FSHR: variants seen among roughly 807,000 people sequenced by gnomAD.
FSHR encodes follicle-stimulating hormone receptor.
In FSHR, 46 loss-of-function variants were observed where a neutral mutation model predicts 52.1. That is an observed-to-expected ratio of 0.88 (90% CI 0.70 to 1.13). The LOEUF is 1.13. Among genes scored for constraint, FSHR ranks in the 50% most tolerant of loss-of-function variants. The pLI is 0.00. For synonymous variants in FSHR, 399 were observed against 309.6 expected (o/e 1.29, Z -3.03); for missense variants, 964 against 834.6 (o/e 1.16, Z -1.91).
intron 2 of FSHR, among the ~76,000 whole-genome samples, chr2:49,061,430 C>T (rs1669283777): frequency 6.6e-6 from 1 of 150,852 alleles, no homozygotes. Flanking sequence ...ATAAAGGAAA[C>T]TATGGGTCAA....
chr2:49,038,175 G>T (rs1359746989), intron 2 of FSHR, among the ~76,000 whole-genome samples: 1 of 152,126 alleles, frequency 6.6e-6, no homozygotes, highest in Non-Finnish European at 1.5e-5. Context: ...AATAACTGAA[G>T]AGAGTTTACC....
chr2:48,968,180 G>A (rs1289386612), intron 9 of FSHR, among the ~76,000 whole-genome samples: 1 of 152,174 alleles, frequency 6.6e-6, no homozygotes, highest in Non-Finnish European at 1.5e-5. Flanking sequence ...AAAGTAATGA[G>A]ATGTCTTAAT....
At chr2:49,036,144 A>G (rs746364515) in intron 2 of FSHR, among the ~76,000 whole-genome samples, 2 of 152,232 alleles carry the variant, frequency 1.3e-5, no homozygotes, top group East Asian at 3.8e-4. Context: ...GACATTAATC[A>G]ACATCTGTAG....
chr2:49,037,082 T>G (rs1287384269), intron 2 of FSHR, among the ~76,000 whole-genome samples: 1 of 152,176 alleles, frequency 6.6e-6, no homozygotes, highest in African/African-American at 2.4e-5. Context: ...ATGAACTACT[T>G]GCATAAAGCC....
chr2:49,128,454 G>C (rs1255036217), intron 1 of FSHR, among the ~76,000 whole-genome samples: 1 of 151,704 alleles, frequency 6.6e-6, no homozygotes, highest in African/African-American at 2.4e-5. Flanking sequence ...AGACAAAAGA[G>C]TAACAGGAAC....
In FSHR at chr2:48,982,892, A is replaced by G. The variant is rs763131996; in HGVS notation, c.668+20T>C. ...ACACAAACTGAGCTCTTACACACAG[A>G]AATGGGGAAAGCTACTCACAGAATG... On this transcript the variant is annotated intron_variant, in intron 8 of 9. Transcript: ENST00000406846. 12 of 1,601,420 alleles carry G rather than the reference A, an allele frequency of 7.5e-6. No individual in the cohort carries two copies. In the Middle Eastern group the frequency reaches 6.6e-4, roughly 88 times the overall value.
At chr2:49,069,917 G>A (rs1572703734) in intron 1 of FSHR, among the ~76,000 whole-genome samples, 1 of 152,110 alleles carries the variant, frequency 6.6e-6, no homozygotes, top group Admixed American at 6.6e-5. Context: ...TATTGCTTTA[G>A]CCTTCTGTTA....
In FSHR at chr2:49,077,072, C is replaced by A. The variant is rs541135408; in HGVS notation, c.153-8782G>T. Among the ~76,000 whole-genome samples, 3 of 152,292 alleles carry A rather than the reference C, an allele frequency of 2.0e-5. No individual in the cohort carries two copies. In the East Asian group the frequency reaches 5.8e-4, roughly 29 times the overall value. On this transcript the variant is annotated intron_variant, in intron 1 of 9. Coordinates refer to ENST00000406846, the MANE Select transcript of FSHR (RefSeq NM_000145.4). ...GCCGTCTTCTCACAGCTCCACTGGG[C>A]AGTGCTCCAGTAAGGACTCTGTGTC...
At chr2:49,038,472 A>C (rs1255385652) in intron 2 of FSHR, among the ~76,000 whole-genome samples, 4 of 151,578 alleles carry the variant, frequency 2.6e-5, no homozygotes, top group Non-Finnish European at 4.4e-5. Flanking sequence ...AAACAAAAAA[A>C]TAATTAGCCG....
chr2:49,126,234 C>T (rs1341170071), intron 1 of FSHR, among the ~76,000 whole-genome samples: 3 of 151,988 alleles, frequency 2.0e-5, no homozygotes, highest in Non-Finnish European at 4.4e-5. Flanking sequence ...GTGAGGGTCC[C>T]ATGTCTGTCA....
At chr2:49,106,933 A>G (rs1416673352) in intron 1 of FSHR, among the ~76,000 whole-genome samples, 1 of 152,172 alleles carries the variant, frequency 6.6e-6, no homozygotes, top group Non-Finnish European at 1.5e-5. Context: ...AATGAGCCAT[A>G]CCTTTATTAT....
intron 1 of FSHR, among the ~76,000 whole-genome samples, chr2:49,084,550 C>G (rs1670302734): frequency 6.6e-6 from 1 of 152,090 alleles, no homozygotes; most frequent in Non-Finnish European, 1.5e-5. Context: ...ATTAATGAAT[C>G]CAGGAGCTGG....
At chr2:48,987,186 A>G in intron 6 of FSHR, among the ~76,000 whole-genome samples, 1 of 151,542 alleles carries the variant, frequency 6.6e-6, no homozygotes, top group Non-Finnish European at 1.5e-5. Flanking sequence ...TTGTATTATT[A>G]TTTTTATTTA....
At chr2:49,053,419 C>T (rs937775388) in intron 2 of FSHR, among the ~76,000 whole-genome samples, 2 of 152,082 alleles carry the variant, frequency 1.3e-5, no homozygotes, top group African/African-American at 4.8e-5. Flanking sequence ...ACATTGTCAC[C>T]TACTCCCCCC....
chr2:49,122,804 T>C (rs1317322477), intron 1 of FSHR, among the ~76,000 whole-genome samples: 1 of 152,170 alleles, frequency 6.6e-6, no homozygotes, highest in Non-Finnish European at 1.5e-5. Flanking sequence ...ACACCCAGGA[T>C]CTTGGGTTCC....
At chr2:49,018,482 C>G (rs1313554367) in intron 3 of FSHR, among the ~76,000 whole-genome samples, 1 of 152,208 alleles carries the variant, frequency 6.6e-6, no homozygotes, top group Non-Finnish European at 1.5e-5. Context: ...GTCAGTGCTA[C>G]ATGGAGGTGA....
intron 8 of FSHR, among the ~76,000 whole-genome samples, chr2:48,971,325 C>G (rs1443564862): frequency 6.6e-6 from 1 of 152,186 alleles, no homozygotes; most frequent in Non-Finnish European, 1.5e-5. Context: ...AATCTCATCC[C>G]TTCTCTGTCT....
At chr2:49,007,692 C>T (rs193117928) in intron 4 of FSHR, among the ~76,000 whole-genome samples, 1 of 151,964 alleles carries the variant, frequency 6.6e-6, no homozygotes, top group Non-Finnish European at 1.5e-5. Flanking sequence ...GTTACAGAGG[C>T]CTTCAAAACA....
At position 49,149,079 on chromosome 2, in the gene FSHR, A is replaced by G. The variant is rs143035159; in HGVS notation, c.152+5187T>C. Among the ~76,000 whole-genome samples, 11 of 152,134 alleles carry G rather than the reference A, an allele frequency of 7.2e-5. No individual in the cohort carries two copies. The East Asian group carries it at 1.9e-3, about 27-fold the overall frequency. ...TGGTAATTTTTTTAAAAAAAATATT[A>G]TTATTAGTAGCAGAAATATGAAAGG... On this transcript the variant is annotated intron_variant, in intron 1 of 9. Coordinates refer to ENST00000406846, the MANE Select transcript of FSHR (RefSeq NM_000145.4).
Sources: gnomAD v4.1 joint callset for allele counts (sites outside exome capture counted in the v4.1 genomes callset) on GRCh38, gnomAD v4.1.1 for gene constraint, MANE v1.5 for transcripts, NCBI Gene and HGNC (gene_info 2026-07-23, HGNC 2026-07-21) for gene names.